Variants in SETBP1 observed in about 807,000 individuals in gnomAD.
SETBP1 encodes the protein SET binding protein 1.
Under a neutral mutation model 101.0 loss-of-function variants are expected in SETBP1, and 9 were observed. That is an observed-to-expected ratio of 0.09 (90% CI 0.05 to 0.16). The LOEUF (loss-of-function observed/expected upper bound fraction) is 0.16, where lower values mean the gene tolerates loss of function less well. SETBP1 is among the 10% of genes least tolerant of loss of function. SETBP1 has a pLI of 1.00. For missense variants in SETBP1, 1,858 were observed against 2,033.8 expected, an observed-to-expected ratio of 0.91 and a Z score of 1.66; for synonymous variants, 818 against 788.5, an observed-to-expected ratio of 1.04 and a Z score of -0.63.
At chr18:44,824,997 T>C (rs1180221843) in intron 2 of SETBP1, among the ~76,000 whole-genome samples, 1 of 152,250 alleles carries the variant, frequency 6.6e-6, no homozygotes, top group African/African-American at 2.4e-5. Context: ...TAGAGTGGAG[T>C]GCAGATTCTC....
At chr18:44,787,881 G>C (rs12958027) in intron 2 of SETBP1, among the ~76,000 whole-genome samples, 2 of 50,854 alleles carry the variant, frequency 3.9e-5, no homozygotes. Flanking sequence ...AAAAAAAAAA[G>C]AAAATTGTTC....
At chr18:44,906,348 A>T (rs965129866) in intron 3 of SETBP1, among the ~76,000 whole-genome samples, 7 of 152,160 alleles carry the variant, frequency 4.6e-5, no homozygotes, top group Non-Finnish European at 8.8e-5. Context: ...AGTGACTAGC[A>T]CCTACTCTGT....
chr18:45,029,772 A>G (rs1277622353), intron 4 of SETBP1, among the ~76,000 whole-genome samples: 2 of 152,162 alleles, frequency 1.3e-5, no homozygotes, highest in Non-Finnish European at 2.9e-5. Context: ...CTTTGAAGCA[A>G]TTGTGAACGG....
intron 2 of SETBP1, among the ~76,000 whole-genome samples, chr18:44,849,420 T>C (rs1280970165): frequency 2.0e-5 from 3 of 152,146 alleles, no homozygotes; most frequent in Non-Finnish European, 2.9e-5. Context: ...AGAACTCCAG[T>C]GCACTAATCT....
intron 2 of SETBP1, among the ~76,000 whole-genome samples, chr18:44,773,427 A>G: frequency 6.6e-6 from 1 of 152,214 alleles, no homozygotes; most frequent in East Asian, 1.9e-4. Context: ...AAGCAGGTAA[A>G]GAGGAACCCC....
At chr18:45,010,037 A>G (rs1252414644) in intron 4 of SETBP1, among the ~76,000 whole-genome samples, 1 of 152,166 alleles carries the variant, frequency 6.6e-6, no homozygotes, top group African/African-American at 2.4e-5. Context: ...AACTGGAGGA[A>G]AAAGAAAGGA....
chr18:45,003,570 T>C (rs1044440479), intron 4 of SETBP1, among the ~76,000 whole-genome samples: 5 of 152,082 alleles, frequency 3.3e-5, no homozygotes, highest in South Asian at 4.2e-4. Flanking sequence ...ACTGTAAACA[T>C]GTGAACGAGC....
chr18:44,736,169 G>C (rs897401332), intron 2 of SETBP1, among the ~76,000 whole-genome samples: 1 of 152,142 alleles, frequency 6.6e-6, no homozygotes, highest in African/African-American at 2.4e-5. Context: ...AGAATCGCTT[G>C]AACCCAGGAG....
intron 5 of SETBP1, among the ~76,000 whole-genome samples, chr18:45,059,636 CA>C (rs2145581134): frequency 6.6e-6 from 1 of 152,188 alleles, no homozygotes; most frequent in African/African-American, 2.4e-5. Context: ...TGTGCTGCCC[CA>C]TAGGGTAGCC....
chr18:44,947,729 C>T (rs748570366), intron 3 of SETBP1, among the ~76,000 whole-genome samples: 6 of 152,230 alleles, frequency 3.9e-5, no homozygotes, highest in East Asian at 1.9e-4. Context: ...TGGTCTTGAA[C>T]GCCCGACCTC....
chr18:44,764,498 A>G (rs2070726343), intron 2 of SETBP1, among the ~76,000 whole-genome samples: 1 of 151,120 alleles, frequency 6.6e-6, no homozygotes, highest in Admixed American at 6.6e-5. Flanking sequence ...TTCTTGGCAG[A>G]GCCTTGCTCT....
chr18:44,823,968 G>A (rs753910415), intron 2 of SETBP1, among the ~76,000 whole-genome samples: 23 of 152,156 alleles, frequency 1.5e-4, no homozygotes, highest in Non-Finnish European at 2.5e-4. Context: ...TACCAACCAT[G>A]GCAGTAATCC....
chr18:44,742,573 G>T (rs1421284547), intron 2 of SETBP1, among the ~76,000 whole-genome samples: 2 of 152,228 alleles, frequency 1.3e-5, no homozygotes, highest in African/African-American at 4.8e-5. Flanking sequence ...GAAAAGGCAA[G>T]ATGACAAAAG....
chr18:44,713,369 C>G (rs1040906153), intron 2 of SETBP1, among the ~76,000 whole-genome samples: 2 of 152,136 alleles, frequency 1.3e-5, no homozygotes, highest in African/African-American at 4.8e-5. Context: ...TCGCGGCAGC[C>G]CTTGTTTCAG....
At chr18:44,980,300 A>G (rs2072083760) in intron 4 of SETBP1, among the ~76,000 whole-genome samples, 1 of 152,178 alleles carries the variant, frequency 6.6e-6, no homozygotes, top group South Asian at 2.1e-4. Flanking sequence ...AGGGCTCAGC[A>G]TTATTTGATT....
chr18:45,055,667 A>G (rs1395411361), intron 5 of SETBP1, among the ~76,000 whole-genome samples: 1 of 152,202 alleles, frequency 6.6e-6, no homozygotes, highest in Non-Finnish European at 1.5e-5. Flanking sequence ...CGTAGATTCA[A>G]AAGAATAAAG....
chr18:44,753,587 C>T (rs574737682), intron 2 of SETBP1, among the ~76,000 whole-genome samples: 14 of 152,320 alleles, frequency 9.2e-5, no homozygotes, highest in African/African-American at 3.4e-4. Context: ...TTCTCAAGTT[C>T]TGGGCATATG....
intron 2 of SETBP1, among the ~76,000 whole-genome samples, chr18:44,740,546 A>G (rs2070073766): frequency 6.6e-6 from 1 of 152,210 alleles, no homozygotes; most frequent in African/African-American, 2.4e-5. Flanking sequence ...TAAAAGAGAG[A>G]AATAGGGGTA....
intron 3 of SETBP1, among the ~76,000 whole-genome samples, chr18:44,873,534 C>T (rs2069327416): frequency 6.6e-6 from 1 of 152,014 alleles, no homozygotes; most frequent in East Asian, 1.9e-4. Flanking sequence ...TGGTGTTGTA[C>T]CTGGGCCAGG....
Sources: allele counts gnomAD v4.1 joint callset (sites outside exome capture counted in the v4.1 genomes callset), GRCh38; gene constraint gnomAD v4.1.1; transcripts MANE v1.5; gene names NCBI Gene and HGNC (gene_info 2026-07-23, HGNC 2026-07-21).